The following KIFAP3 variants were observed in gnomAD, a reference collection of about 807,000 sequenced individuals.
KIFAP3 encodes kinesin associated protein 3.
In KIFAP3, 68 loss-of-function variants were observed where a neutral mutation model predicts 106.5. The ratio of observed to expected loss-of-function variants is 0.64; its 90% confidence interval spans 0.53 to 0.78. KIFAP3 has a LOEUF of 0.78. Among genes scored for constraint, KIFAP3 ranks in the 30% least tolerant of loss-of-function variants. KIFAP3 has a pLI of 0.00. For synonymous variants in KIFAP3, 320 were observed against 311.5 expected (o/e 1.03, Z -0.29); for missense variants, 780 against 941.8 (o/e 0.83, Z 2.25).
chr1:170,019,259 G>C (rs1668681718), intron 9 of KIFAP3, among the ~76,000 whole-genome samples: 1 of 151,970 alleles, frequency 6.6e-6, no homozygotes, highest in Non-Finnish European at 1.5e-5. Context: ...CATTTATGTA[G>C]AAATAATACC....
intron 10 of KIFAP3, among the ~76,000 whole-genome samples, chr1:170,002,669 T>C (rs768476654): frequency 6.6e-6 from 1 of 152,198 alleles, no homozygotes; most frequent in Non-Finnish European, 1.5e-5. Flanking sequence ...CTGACCAGGG[T>C]GGCTCTGCTG....
rs770049722 is a variant in KIFAP3, at chr1:170,038,415, T to C, written c.392A>G (p.Asn131Ser). ...FEGMEIDEVA[N>S]INDMDEYIEL... is the part of the protein sequence containing the mutation. ...AATATATTCATCCATGTCATTAATG[T>C]TAGCAACTTCATCAATCTGAAACAA... is the stretch of plus-strand genomic sequence containing the variant. The change falls in exon 5 of 20, where the codon AAC becomes AGC. Residue 131 changes from asparagine to serine, a missense_variant. Around this residue, in one of 3 missense-constraint regions of KIFAP3, gnomAD observed 588 missense variants for 678.9 expected, o/e 0.87. Transcript: ENST00000361580. The C allele has an allele frequency of 1.2e-6, 2 of 1,606,642 alleles. No homozygotes were observed. The highest frequency in any genetic ancestry group is 1.7e-6 in the Non-Finnish European group (2 of 1,178,248).
intron 19 of KIFAP3, among the ~76,000 whole-genome samples, chr1:169,929,013 C>T (rs942437912): frequency 6.6e-6 from 1 of 152,028 alleles, no homozygotes; most frequent in Non-Finnish European, 1.5e-5. Context: ...AACGAAATAA[C>T]GAGTATAAAA....
chr1:170,040,970 C>T (rs371837098), intron 3 of KIFAP3, among the ~76,000 whole-genome samples: 3 of 151,892 alleles, frequency 2.0e-5, no homozygotes, highest in African/African-American at 4.8e-5. Context: ...GGATCACAGG[C>T]GCACACCACA....
intron 19 of KIFAP3, among the ~76,000 whole-genome samples, chr1:169,931,200 G>A (rs532503361): frequency 2.2e-4 from 34 of 152,144 alleles, no homozygotes; most frequent in African/African-American, 6.0e-4. Flanking sequence ...GATTACAGGC[G>A]TAAGCCACCG....
chr1:170,043,084 C>A (rs1210794393), intron 3 of KIFAP3, among the ~76,000 whole-genome samples: 1 of 152,210 alleles, frequency 6.6e-6, no homozygotes, highest in Non-Finnish European at 1.5e-5. Context: ...AGCCTAGCTG[C>A]AGTTCCATGC....
chr1:170,015,135 T>G (rs183865437), intron 10 of KIFAP3, among the ~76,000 whole-genome samples: 36 of 152,352 alleles, frequency 2.4e-4, no homozygotes, highest in Non-Finnish European at 4.4e-4. Flanking sequence ...GGGTATCACA[T>G]GAGTGATTTC....
At chr1:170,052,018 GAC>G (rs776427825) in intron 2 of KIFAP3, among the ~76,000 whole-genome samples, 11 of 151,740 alleles carry the variant, frequency 7.2e-5, no homozygotes, top group East Asian at 1.9e-4. Context: ...AGGAGATAAA[GAC>G]ACAAAAAACT....
chr1:169,948,426 T>TAA (rs369821428), intron 19 of KIFAP3, among the ~76,000 whole-genome samples: 6 of 151,652 alleles, frequency 4.0e-5, no homozygotes, highest in Admixed American at 1.3e-4. Flanking sequence ...TCATCTTTGG[T>TAA]AAAAAAAAGT....
At chr1:170,057,860 A>G (rs1250709629) in intron 1 of KIFAP3, among the ~76,000 whole-genome samples, 1 of 152,144 alleles carries the variant, frequency 6.6e-6, no homozygotes, top group Non-Finnish European at 1.5e-5. Flanking sequence ...GCTGGTTGCA[A>G]ATTTCTTCTA....
rs200046027 is a variant in KIFAP3, at chr1:169,972,596, C to G, written c.1900G>C (p.Ala634Pro). The G allele has an allele frequency of 1.3e-6, 2 of 1,537,832 alleles. No homozygotes were observed. The highest frequency in any genetic ancestry group is 1.8e-6 in the Non-Finnish European group (2 of 1,123,008). Residue 634 changes from alanine to proline, a missense_variant and splice_region_variant, in exon 17 of 20, where the codon GCT becomes CCT. Ala to Pro is a conservative substitution (Grantham distance 27, BLOSUM62 -1). This residue lies in a region of KIFAP3 where 78 missense variants were observed against 140.6 expected (regional missense o/e 0.55). Coordinates refer to ENST00000361580, the MANE Select transcript of KIFAP3 (RefSeq NM_014970.4). ...TRDVIIKETQ[A>P]PAYLIDLMHD... ...ATTAGGTCTATGAGATATGCTGGAG[C>G]CTCTGAATAAAAATGGTTAAAGAAA...
At chr1:170,052,700 A>G (rs1670639446) in intron 2 of KIFAP3, among the ~76,000 whole-genome samples, 1 of 152,370 alleles carries the variant, frequency 6.6e-6, no homozygotes, top group East Asian at 1.9e-4. Context: ...ATGCAAATCA[A>G]TTAATGTAAT....
upstream of KIFAP3, among the ~76,000 whole-genome samples, chr1:170,076,258 C>T (rs1303796120): frequency 1.3e-5 from 2 of 151,812 alleles, no homozygotes; most frequent in Non-Finnish European, 2.9e-5. Context: ...TGCCCAGAGG[C>T]CAGAAAGAAA....
chr1:169,924,716 T>A (rs1663033207), intron 19 of KIFAP3, among the ~76,000 whole-genome samples: 1 of 152,244 alleles, frequency 6.6e-6, no homozygotes, highest in Non-Finnish European at 1.5e-5. Flanking sequence ...GTAGACACTT[T>A]ACTTTTTTCC....
At position 169,954,076 on chromosome 1, in the gene KIFAP3, G is replaced by C. The variant is rs750509504; in HGVS notation, c.2208C>G (p.Pro736=). 6.2e-7 allele frequency: 1 copy of C among 1,612,804 alleles called. No individual in the cohort carries two copies. The highest frequency in any genetic ancestry group is 8.5e-7 in the Non-Finnish European group (1 of 1,179,228). The change falls in exon 19 of 20, where the codon CCC becomes CCG. Residue 736 remains proline (P), a synonymous_variant. Transcript: ENST00000361580. Reference sequence around the variant, plus strand: ...GAAGGTGGTAATCATTGAAGAAATCGGGACTTATGGCTCCTTCAGAGGCAA... The same window carrying C: ...GAAGGTGGTAATCATTGAAGAAATCCGGACTTATGGCTCCTTCAGAGGCAA... The part of the protein sequence containing the change: ...GLIASEGAIS[P]DFFNDYHLQN...
At chr1:170,047,766 C>T (rs1384794625) in intron 2 of KIFAP3, among the ~76,000 whole-genome samples, 1 of 151,796 alleles carries the variant, frequency 6.6e-6, no homozygotes, top group Non-Finnish European at 1.5e-5. Context: ...AAAGTTAGCC[C>T]AGGAGATTCA....
At chr1:170,063,897 T>C (rs1671306295) in intron 1 of KIFAP3, among the ~76,000 whole-genome samples, 1 of 152,232 alleles carries the variant, frequency 6.6e-6, no homozygotes, top group African/African-American at 2.4e-5. Context: ...TCCATGAAAA[T>C]GATAAATCTA....
chr1:170,001,210 T>C (rs1265108213), intron 10 of KIFAP3, among the ~76,000 whole-genome samples: 1 of 152,274 alleles, frequency 6.6e-6, no homozygotes. Context: ...AGAATACACA[T>C]ACTTGTGGTA....
At chr1:170,071,209 T>C (rs565834406) in intron 1 of KIFAP3, among the ~76,000 whole-genome samples, 1 of 152,292 alleles carries the variant, frequency 6.6e-6, no homozygotes, top group African/African-American at 2.4e-5. Context: ...AGAATTACCA[T>C]ATGGTCTGGC....
Sources: allele counts gnomAD v4.1 joint callset (sites outside exome capture counted in the v4.1 genomes callset), GRCh38; gene constraint gnomAD v4.1.1; regional missense constraint gnomAD v4.1.1; transcripts MANE v1.5; gene names NCBI Gene and HGNC (gene_info 2026-07-23, HGNC 2026-07-21).